Variants in CNTFR observed in about 807,000 individuals in gnomAD.
The protein encoded by CNTFR is ciliary neurotrophic factor receptor, also known as ciliary neurotrophic factor receptor subunit alpha.
A neutral mutation model predicts 40.4 loss-of-function variants in CNTFR; 12 were observed. The observed-to-expected ratio is 0.30, with a 90% confidence interval of 0.19 to 0.48. The LOEUF (loss-of-function observed/expected upper bound fraction) is 0.48, where lower values mean the gene tolerates loss of function less well. Ranked by LOEUF, CNTFR falls within the 20% of genes least tolerant of loss-of-function variation. CNTFR has a pLI of 0.99. For missense variants in CNTFR, 414 were observed against 506.8 expected (o/e 0.82, Z 1.76); for synonymous variants, 202 against 209.6 (o/e 0.96, Z 0.31).
intron 2 of CNTFR, among the ~76,000 whole-genome samples, chr9:34,577,944 G>A (rs1214464486): frequency 6.6e-6 from 1 of 151,142 alleles, no homozygotes; most frequent in East Asian, 1.9e-4. Flanking sequence ...GGGCTGGCGG[G>A]CGGGCGAGCG....
chr9:34,585,940 G>C (rs1009603730), intron 1 of CNTFR, among the ~76,000 whole-genome samples: 2 of 152,206 alleles, frequency 1.3e-5, no homozygotes, highest in African/African-American at 4.8e-5. Context: ...GCCATGGGGG[G>C]GCAGAGAGCA....
chr9:34,567,658 A>C (rs1373496898), intron 3 of CNTFR, among the ~76,000 whole-genome samples: 2 of 152,168 alleles, frequency 1.3e-5, no homozygotes, highest in African/African-American at 4.8e-5. Context: ...GAGAGACACA[A>C]TTACATGTGG....
chr9:34,551,683 C>CT lies in CNTFR; in HGVS notation c.*387dup. On this transcript the variant is annotated 3_prime_UTR_variant, in exon 10 of 10. Transcript: ENST00000378980. ...CCCCCCAGCATCAGGAGCTTATAATCTGATGGTGGCAACAGAGACCCTGGG... is the reference window on the plus strand; with the variant it reads ...CCCCCCAGCATCAGGAGCTTATAATCTTGATGGTGGCAACAGAGACCCTGGG... The CT allele has an allele frequency of 2.6e-6, 1 of 389,608 alleles. No homozygotes were observed. The highest frequency in any genetic ancestry group is 4.8e-6 in the Non-Finnish European group (1 of 209,606). 24.1% of individuals were successfully genotyped at this position (389,608 alleles called of 1,614,324 possible).
At chr9:34,584,904 T>A (rs138286322) in intron 1 of CNTFR, among the ~76,000 whole-genome samples, 1 of 152,110 alleles carries the variant, frequency 6.6e-6, no homozygotes, top group Non-Finnish European at 1.5e-5. Flanking sequence ...AAGTCCTTCC[T>A]CTACTCTAGC....
Position 34,551,816 on chromosome 9 carries a change from C to A in CNTFR, c.*255G>T, listed in dbSNP as rs943354302. On this transcript the variant is annotated 3_prime_UTR_variant, in exon 10 of 10. Coordinates refer to ENST00000378980, the MANE Select transcript of CNTFR (RefSeq NM_147164.3). The stretch of plus-strand genomic sequence containing the variant: ...GCATTGGAGGGTCCAGCCCAAGGGG[C>A]CAGGGTGAGGGGGTCTTTGGTGGGT... 12 of 621,392 alleles carry A rather than the reference C, an allele frequency of 1.9e-5. No individual in the cohort carries two copies. The highest frequency in any genetic ancestry group is 3.2e-5 in the Non-Finnish European group (11 of 347,948). 38.5% of individuals were successfully genotyped at this position (621,392 alleles called of 1,614,324 possible). A position where few individuals can be genotyped will look rare whatever the true frequency, so the allele number is the denominator to read the frequency against.
chr9:34,554,569 C>T (rs912573857), intron 7 of CNTFR, among the ~76,000 whole-genome samples: 1 of 152,204 alleles, frequency 6.6e-6, no homozygotes, highest in Admixed American at 6.5e-5. Flanking sequence ...CCGTGGTCTG[C>T]TGGAGCAGAT....
At chr9:34,588,915 A>G (rs1827658397) in intron 1 of CNTFR, among the ~76,000 whole-genome samples, 1 of 152,078 alleles carries the variant, frequency 6.6e-6, no homozygotes, top group African/African-American at 2.4e-5. Context: ...ACTCACAAAG[A>G]GACACTTGGG....
At chr9:34,585,204 C>T (rs921729251) in intron 1 of CNTFR, among the ~76,000 whole-genome samples, 14 of 152,186 alleles carry the variant, frequency 9.2e-5, no homozygotes, top group East Asian at 3.9e-4. Flanking sequence ...CAGGCAGGTA[C>T]AGGGTGAGCA....
intron 7 of CNTFR, among the ~76,000 whole-genome samples, chr9:34,554,905 C>T (rs1825773013): frequency 6.6e-6 from 1 of 152,242 alleles, no homozygotes; most frequent in South Asian, 2.1e-4. Flanking sequence ...CTAGGATGCA[C>T]TACAGGCCAC....
intron 4 of CNTFR, among the ~76,000 whole-genome samples, chr9:34,563,611 C>G (rs1323969499): frequency 6.6e-6 from 1 of 152,248 alleles, no homozygotes; most frequent in Non-Finnish European, 1.5e-5. Context: ...TCTAGGGAAA[C>G]CCAAACTAAG....
At chr9:34,572,610 TA>T (rs1363259856) in intron 2 of CNTFR, among the ~76,000 whole-genome samples, 2 of 152,076 alleles carry the variant, frequency 1.3e-5, no homozygotes, top group African/African-American at 4.8e-5. Context: ...GTGTCATCAT[TA>T]CTCCCACACA....
At chr9:34,585,573 C>T (rs937003174) in intron 1 of CNTFR, among the ~76,000 whole-genome samples, 11 of 152,182 alleles carry the variant, frequency 7.2e-5, no homozygotes, top group Middle Eastern at 3.2e-3. Flanking sequence ...GCTCTGGTGA[C>T]CCCCAACCGG....
intron 4 of CNTFR, among the ~76,000 whole-genome samples, chr9:34,562,293 T>G (rs1361477079): frequency 2.0e-5 from 3 of 152,164 alleles, no homozygotes; most frequent in Non-Finnish European, 4.4e-5. Context: ...GACCCCATAG[T>G]GCGCCAAGGA....
chr9:34,559,201 T>C (rs574765830), intron 4 of CNTFR, among the ~76,000 whole-genome samples: 1 of 152,164 alleles, frequency 6.6e-6, no homozygotes, highest in South Asian at 2.1e-4. Flanking sequence ...GTGGCCATGG[T>C]GACACAGGGG....
intron 2 of CNTFR, among the ~76,000 whole-genome samples, chr9:34,576,866 C>A (rs1279875426): frequency 6.6e-6 from 1 of 152,242 alleles, no homozygotes; most frequent in East Asian, 1.9e-4. Flanking sequence ...GATCCCAAGG[C>A]CTCTTCAAAA....
intron 1 of CNTFR, among the ~76,000 whole-genome samples, chr9:34,587,283 T>C (rs898383870): frequency 1.2e-4 from 19 of 152,170 alleles, no homozygotes; most frequent in African/African-American, 4.3e-4. Flanking sequence ...TAAGGTGGCT[T>C]ATATGGAGTC....
At chr9:34,586,969 T>C (rs1222729626) in intron 1 of CNTFR, among the ~76,000 whole-genome samples, 1 of 152,232 alleles carries the variant, frequency 6.6e-6, no homozygotes, top group Non-Finnish European at 1.5e-5. Flanking sequence ...ACTGGGATTG[T>C]GAATGCCACA....
At chr9:34,585,778 A>G (rs1481284518) in intron 1 of CNTFR, among the ~76,000 whole-genome samples, 1 of 151,986 alleles carries the variant, frequency 6.6e-6, no homozygotes, top group Non-Finnish European at 1.5e-5. Context: ...ACCCCCACCC[A>G]ATGGTGGGTC....
chr9:34,563,889 C>CA (rs1254957476), intron 4 of CNTFR, among the ~76,000 whole-genome samples: 1 of 152,186 alleles, frequency 6.6e-6, no homozygotes, highest in Non-Finnish European at 1.5e-5. Flanking sequence ...TCCCTCCACT[C>CA]AGAGTGATCT....
Sources: allele counts gnomAD v4.1 joint callset (sites outside exome capture counted in the v4.1 genomes callset), GRCh38; gene constraint gnomAD v4.1.1; transcripts MANE v1.5; gene names NCBI Gene and HGNC (gene_info 2026-07-23, HGNC 2026-07-21).